PACSIN2: variants seen among roughly 807,000 people sequenced by gnomAD.
The protein encoded by PACSIN2 is protein kinase C and casein kinase substrate in neurons protein 2.
A neutral mutation model predicts 63.8 loss-of-function variants in PACSIN2; 25 were observed. The ratio of observed to expected loss-of-function variants is 0.39; its 90% CI spans 0.29 to 0.55. The LOEUF is 0.55. Ranked by LOEUF, PACSIN2 falls within the 20% of genes least tolerant of loss-of-function variation. The pLI, the probability that PACSIN2 is intolerant of heterozygous loss-of-function variation, is 0.62. For missense variants in PACSIN2, 518 were observed against 646.9 expected, an observed-to-expected ratio of 0.80 and a Z score of 2.16; for synonymous variants, 255 against 256.2, an observed-to-expected ratio of 1.00 and a Z score of 0.05.
chr22:42,998,273 T>C (rs1415013286), intron 1 of PACSIN2, among the ~76,000 whole-genome samples: 1 of 152,196 alleles, frequency 6.6e-6, no homozygotes, highest in Non-Finnish European at 1.5e-5. Context: ...TATAGGAACC[T>C]TCTTTGCTGC....
chr22:42,923,716 T>C (rs1396573528), intron 1 of PACSIN2, among the ~76,000 whole-genome samples: 2 of 152,264 alleles, frequency 1.3e-5, no homozygotes, highest in African/African-American at 4.8e-5. Context: ...CGTGAGCCAC[T>C]GCGCCCGGCC....
At chr22:42,997,430 C>T (rs1218039256) in intron 1 of PACSIN2, among the ~76,000 whole-genome samples, 2 of 151,672 alleles carry the variant, frequency 1.3e-5, no homozygotes, top group African/African-American at 4.8e-5. Flanking sequence ...TGGTGGCAGG[C>T]GCCTGTAGTC....
At chr22:42,877,559 C>T (rs977006979) in intron 8 of PACSIN2, among the ~76,000 whole-genome samples, 6 of 152,136 alleles carry the variant, frequency 3.9e-5, no homozygotes, top group Non-Finnish European at 7.4e-5. Context: ...CCAGGGCCTG[C>T]GGCACCGTCT....
intron 1 of PACSIN2, among the ~76,000 whole-genome samples, chr22:42,974,748 CAAAAA>C (rs763775543): frequency 3.4e-5 from 2 of 58,474 alleles, no homozygotes. Flanking sequence ...GATCTTGTCT[CAAAAA>C]AAAAAAAAAA....
intron 1 of PACSIN2, among the ~76,000 whole-genome samples, chr22:43,014,811 G>A (rs1201212965): frequency 6.8e-6 from 1 of 147,218 alleles, no homozygotes; most frequent in Non-Finnish European, 1.5e-5. Context: ...TCCCCAAGAT[G>A]TCTTCTCCAG....
At chr22:42,922,329 C>T (rs1932248660) in intron 1 of PACSIN2, among the ~76,000 whole-genome samples, 1 of 152,182 alleles carries the variant, frequency 6.6e-6, no homozygotes, top group Non-Finnish European at 1.5e-5. Flanking sequence ...CCCTTAACAC[C>T]CTTAATTTAT....
rs186330983 is a variant in PACSIN2 at position 42,908,722 on chromosome 22, G to C, written c.60+3299C>G. ...CAAAACTGGCCCTTAGCTCCAAAAA[G>C]GTCAAGGTCCTCAGCACTCTGTAAG... On this transcript the variant is annotated intron_variant, in intron 2 of 10. Transcript: ENST00000263246. 2.3e-4 allele frequency among the ~76,000 whole-genome samples: 35 copies of C among 152,302 alleles called. No homozygotes were observed. The East Asian group carries it at 6.6e-3, about 29-fold the overall frequency.
In PACSIN2 at chr22:42,871,093, T is replaced by A. The variant is rs964135278; in HGVS notation, c.*264A>T. 2 of 520,770 alleles carry A rather than the reference T, an allele frequency of 3.8e-6. No homozygotes were observed. The highest frequency in any genetic ancestry group is 7.0e-6 in the Non-Finnish European group (2 of 286,824). 32.3% of individuals were successfully genotyped at this position (520,770 alleles called of 1,614,324 possible). On this transcript the variant is annotated 3_prime_UTR_variant, in exon 11 of 11. Transcript: ENST00000263246. This position sits in a 1 kb window ranked among gnomAD's most constrained non-coding sequence, Gnocchi z 5.4. ...ACAAAGTCAAGAACATAGAGATCTATGATAGGCCAACAGGCACAGTGGGCG... is the reference window on the plus strand; with the variant it reads ...ACAAAGTCAAGAACATAGAGATCTAAGATAGGCCAACAGGCACAGTGGGCG...
intron 1 of PACSIN2, among the ~76,000 whole-genome samples, chr22:42,928,967 T>C (rs1458137625): frequency 6.6e-6 from 1 of 152,220 alleles, no homozygotes; most frequent in African/African-American, 2.4e-5. Context: ...TTCAACAAGC[T>C]CTTAGAGTTC....
chr22:42,930,419 T>C (rs557590336), intron 1 of PACSIN2, among the ~76,000 whole-genome samples: 1 of 152,172 alleles, frequency 6.6e-6, no homozygotes, highest in East Asian at 1.9e-4. Flanking sequence ...TGGACCCTCC[T>C]GTCCTCGTGT....
At chr22:42,981,830 T>A (rs1205752826) in intron 1 of PACSIN2, among the ~76,000 whole-genome samples, 15 of 95,272 alleles carry the variant, frequency 1.6e-4, no homozygotes, top group African/African-American at 2.9e-4. Flanking sequence ...AGGTGGGGGG[T>A]CAGCCCCCCG....
At chr22:42,955,186 C>T (rs1331320685) in intron 1 of PACSIN2, among the ~76,000 whole-genome samples, 2 of 152,118 alleles carry the variant, frequency 1.3e-5, no homozygotes, top group Non-Finnish European at 2.9e-5. Flanking sequence ...TCCTCAGAGA[C>T]CAGAACTCAA....
rs763714780 is a variant in PACSIN2, at chr22:42,893,449, C to T, written c.217+8G>A. 1 of 1,610,410 alleles carries T rather than the reference C, an allele frequency of 6.2e-7. No homozygotes were observed. The highest frequency in any genetic ancestry group is 1.1e-5 in the South Asian group (1 of 91,052). Reference sequence around the variant, plus strand: ...CCAGGCCACAGGACCTGTGCCGGGGCCCCATACCTTTCTCCACGAGCTGCC... The same window carrying T: ...CCAGGCCACAGGACCTGTGCCGGGGTCCCATACCTTTCTCCACGAGCTGCC... On this transcript the variant is annotated splice_region_variant and intron_variant, in intron 3 of 10. Coordinates refer to ENST00000263246, the MANE Select transcript of PACSIN2 (RefSeq NM_001184970.3).
intron 2 of PACSIN2, among the ~76,000 whole-genome samples, chr22:42,894,064 C>CA (rs144604261): frequency 0.011 from 1,602 of 152,270 alleles, 29 homozygotes; most frequent in African/African-American, 0.036. Flanking sequence ...AAAACTTTTC[C>CA]ACTTCCTGAG....
chr22:42,987,253 G>A (rs1020012634), intron 1 of PACSIN2, among the ~76,000 whole-genome samples: 1 of 152,030 alleles, frequency 6.6e-6, no homozygotes, highest in African/African-American at 2.4e-5. Flanking sequence ...GTAAAAAAGT[G>A]ATAACAGCAC....
At chr22:42,916,149 G>T (rs1414435308) in intron 1 of PACSIN2, among the ~76,000 whole-genome samples, 1 of 152,184 alleles carries the variant, frequency 6.6e-6, no homozygotes, top group Non-Finnish European at 1.5e-5. Flanking sequence ...AAGGTTAAAT[G>T]AGATGAAGGT....
At chr22:42,950,666 CT>C (rs1187151906) in intron 1 of PACSIN2, among the ~76,000 whole-genome samples, 2 of 152,158 alleles carry the variant, frequency 1.3e-5, no homozygotes, top group African/African-American at 4.8e-5. Context: ...ATTCTTACGT[CT>C]AAAAAGCTGA....
chr22:42,941,359 T>C (rs2146803651), intron 1 of PACSIN2, among the ~76,000 whole-genome samples: 1 of 152,366 alleles, frequency 6.6e-6, no homozygotes, highest in South Asian at 2.1e-4. Context: ...ACCATTTGTG[T>C]ACAAGCCTTT....
chr22:42,917,009 C>A (rs1446323191), intron 1 of PACSIN2, among the ~76,000 whole-genome samples: 1 of 152,150 alleles, frequency 6.6e-6, no homozygotes, highest in African/African-American at 2.4e-5. Context: ...TGCCACCAGC[C>A]CTCCCTTCTT....
Sources: allele counts gnomAD v4.1 joint callset (sites outside exome capture counted in the v4.1 genomes callset), GRCh38; gene constraint gnomAD v4.1.1; non-coding constraint Gnocchi (gnomAD v3.1); transcripts MANE v1.5; gene names NCBI Gene and HGNC (gene_info 2026-07-23, HGNC 2026-07-21).